Variants in RAI14 observed in about 807,000 individuals in gnomAD.
The protein encoded by RAI14 is retinoic acid induced 14.
In RAI14, 45 loss-of-function variants were observed where a neutral mutation model predicts 115.4. The observed-to-expected ratio is 0.39, with a 90% CI of 0.31 to 0.50. The LOEUF is 0.50. Among genes scored for constraint, RAI14 ranks in the 20% least tolerant of loss-of-function variants. The pLI, the probability that RAI14 is intolerant of heterozygous loss-of-function variation, is 0.85. For synonymous variants in RAI14, 371 were observed against 415.4 expected (o/e 0.89, Z 1.30); for missense variants, 939 against 1,131.2 (o/e 0.83, Z 2.44).
intron 2 of RAI14, among the ~76,000 whole-genome samples, chr5:34,749,055 A>G (rs1219601765): frequency 6.6e-6 from 1 of 152,188 alleles, no homozygotes; most frequent in Non-Finnish European, 1.5e-5. Flanking sequence ...CTTTCTTAAA[A>G]TGATGAGGTG....
chr5:34,797,405 C>T (rs1361565832), intron 4 of RAI14, among the ~76,000 whole-genome samples: 1 of 151,372 alleles, frequency 6.6e-6, no homozygotes, highest in Non-Finnish European at 1.5e-5. Flanking sequence ...AAAAAAGAAT[C>T]TCAGTGGTTG....
chr5:34,799,433 A>C (rs1051554342), intron 4 of RAI14, among the ~76,000 whole-genome samples: 1 of 151,890 alleles, frequency 6.6e-6, no homozygotes, highest in Non-Finnish European at 1.5e-5. Context: ...ACTGGTACAA[A>C]GATCTGTTAC....
chr5:34,760,822 A>C (rs982680078), intron 3 of RAI14, among the ~76,000 whole-genome samples: 7 of 152,174 alleles, frequency 4.6e-5, no homozygotes, highest in East Asian at 3.9e-4. Flanking sequence ...TTGCACAACC[A>C]TTGTCACTTT....
chr5:34,732,213 C>T (rs546054808), intron 2 of RAI14, among the ~76,000 whole-genome samples: 1 of 152,158 alleles, frequency 6.6e-6, no homozygotes, highest in East Asian at 1.9e-4. Context: ...TGTTTCTGTT[C>T]TGCCATGGGT....
chr5:34,664,562 C>T (rs542273594), intron 1 of RAI14, among the ~76,000 whole-genome samples: 5 of 151,878 alleles, frequency 3.3e-5, no homozygotes, highest in Admixed American at 6.6e-5. Context: ...GTATTGTTAT[C>T]GATAAGATAT....
intron 3 of RAI14, among the ~76,000 whole-genome samples, chr5:34,778,572 T>G (rs336474): frequency 0.39 from 58,636 of 151,704 alleles, 11,918 homozygotes; most frequent in Non-Finnish European, 0.44. Context: ...GTAGATAAAA[T>G]GTTTTTATAC....
At chr5:34,775,744 C>A (rs1750753654) in intron 3 of RAI14, among the ~76,000 whole-genome samples, 1 of 152,182 alleles carries the variant, frequency 6.6e-6, no homozygotes, top group Non-Finnish European at 1.5e-5. Context: ...GTTAAAATGG[C>A]TGACATCCAA....
chr5:34,791,626 A>G lies in RAI14; in HGVS notation c.168-4313A>G, dbSNP rs1580273116. Among the ~76,000 whole-genome samples the G allele has an allele frequency of 6.6e-6, 1 of 152,210 alleles. No homozygotes were observed. The highest frequency in any genetic ancestry group is 1.5e-5 in the Non-Finnish European group (1 of 68,038). On this transcript the variant is annotated intron_variant, in intron 3 of 17. Coordinates refer to ENST00000265109, the MANE Select transcript of RAI14 (RefSeq NM_015577.3). The surrounding 1 kb of genome is among the most constrained non-coding windows in gnomAD (Gnocchi z 5.4). ...CAACCCTGCTGTCATTCAGGGTCCT[A>G]GCAGGAACAGGTAGCATCAAATAGG...
At chr5:34,693,189 A>C (rs1738842479) in intron 2 of RAI14, among the ~76,000 whole-genome samples, 1 of 152,196 alleles carries the variant, frequency 6.6e-6, no homozygotes, top group African/African-American at 2.4e-5. Flanking sequence ...TTCTGAGGTT[A>C]GGGGGAGAAT....
intron 1 of RAI14, among the ~76,000 whole-genome samples, chr5:34,673,734 A>G (rs1457012360): frequency 6.6e-6 from 1 of 152,178 alleles, no homozygotes; most frequent in African/African-American, 2.4e-5. Context: ...CCCTGGAATC[A>G]GCACCCCTCA....
chr5:34,680,652 C>T (rs1314379232), intron 1 of RAI14, among the ~76,000 whole-genome samples: 4 of 152,138 alleles, frequency 2.6e-5, no homozygotes, highest in Non-Finnish European at 1.5e-5. Flanking sequence ...AGAAAGGAGT[C>T]CCCTATCTTG....
chr5:34,715,933 G>A, intron 2 of RAI14: 2 of 311,716 alleles, frequency 6.4e-6, no homozygotes, highest in Non-Finnish European at 1.2e-5. Flanking sequence ...ACACTTTAAA[G>A]GAAATGAGGC....
At chr5:34,776,557 G>C (rs1010736429) in intron 3 of RAI14, among the ~76,000 whole-genome samples, 1 of 152,084 alleles carries the variant, frequency 6.6e-6, no homozygotes, top group Non-Finnish European at 1.5e-5. Context: ...TGTAATCCCA[G>C]CACTTTGGAA....
intron 6 of RAI14, 83 bp from the exon 7 acceptor site, chr5:34,808,501 C>A: frequency 7.9e-7 from 1 of 1,264,610 alleles, no homozygotes; most frequent in South Asian, 1.3e-5. Flanking sequence ...AGAACATGAA[C>A]ATTTCCTTCC....
intron 4 of RAI14, among the ~76,000 whole-genome samples, chr5:34,797,426 T>C (rs338266): frequency 0.21 from 29,729 of 140,490 alleles, 3,294 homozygotes; most frequent in African/African-American, 0.29. Context: ...GGAATCTTTA[T>C]CCTTTGAGAA....
At chr5:34,712,631 T>C (rs998437958) in intron 2 of RAI14, among the ~76,000 whole-genome samples, 19 of 152,226 alleles carry the variant, frequency 1.2e-4, no homozygotes, top group African/African-American at 4.6e-4. Context: ...ATGTATGTTA[T>C]TTACTGAGCA....
intron 3 of RAI14, among the ~76,000 whole-genome samples, chr5:34,783,638 A>G (rs1751940651): frequency 6.6e-6 from 1 of 152,188 alleles, no homozygotes; most frequent in Non-Finnish European, 1.5e-5. Context: ...AGTCAATAAT[A>G]CGAGATTCAA....
chr5:34,659,939 A>G (rs1174608585), intron 1 of RAI14, among the ~76,000 whole-genome samples: 1 of 152,128 alleles, frequency 6.6e-6, no homozygotes. Context: ...GCACTTTGGG[A>G]GGCCAAGGCA....
chr5:34,676,311 C>T (rs1396979325), intron 1 of RAI14, among the ~76,000 whole-genome samples: 7 of 152,098 alleles, frequency 4.6e-5, no homozygotes, highest in Non-Finnish European at 7.4e-5. Flanking sequence ...GAGGTGAACA[C>T]GGTGGTGTGT....
Sources: allele counts gnomAD v4.1 joint callset (sites outside exome capture counted in the v4.1 genomes callset), GRCh38; gene constraint gnomAD v4.1.1; non-coding constraint Gnocchi (gnomAD v3.1); transcripts MANE v1.5; gene names NCBI Gene and HGNC (gene_info 2026-07-23, HGNC 2026-07-21).